Variants in SNX18 observed in about 807,000 individuals in gnomAD.
SNX18 encodes sorting nexin 18, also known as sorting nexin-18.
SNX18 carries 35 observed loss-of-function variants against 48.7 expected under a neutral mutation model. The ratio of observed to expected loss-of-function variants is 0.72; its 90% CI spans 0.55 to 0.95. The LOEUF (loss-of-function observed/expected upper bound fraction) is 0.95, where lower values mean the gene tolerates loss of function less well. SNX18 is among the 40% of genes least tolerant of loss of function. The pLI is 0.00. For synonymous variants in SNX18, 492 were observed against 384.7 expected (o/e 1.28, Z -3.26); for missense variants, 824 against 871.0 (o/e 0.95, Z 0.68).
the SNX18 span, among the ~76,000 whole-genome samples, chr5:54,603,443 T>C: frequency 6.6e-6 from 1 of 152,112 alleles, no homozygotes. Context: ...TCTGATCTTT[T>C]AAGAAGGCTT....
the SNX18 span, among the ~76,000 whole-genome samples, chr5:54,578,340 A>G: frequency 6.6e-6 from 1 of 152,216 alleles, no homozygotes. Flanking sequence ...GACAGGAGAT[A>G]GAATCTGAAT....
At chr5:54,642,601 T>C in the SNX18 span, among the ~76,000 whole-genome samples, 1 of 152,198 alleles carries the variant, frequency 6.6e-6, no homozygotes, top group African/African-American at 2.4e-5. Context: ...ACCTATTTCT[T>C]AGTTGAAAAG....
Position 54,518,200 on chromosome 5 carries a change from C to T in SNX18, c.248C>T (p.Pro83Leu). ...CCGGCCCGCTACGCCAATGTGCCCC[C>T]CGGGGGCTTCGAGCCCCTGCCTGTC... ...GAPARYANVP[P>L]GGFEPLPVAP... The change falls in exon 1 of 2, where the codon CCC (proline) becomes CTC (leucine). Residue 83 changes from proline to leucine, a missense_variant. Coordinates refer to ENST00000381410, the MANE Select transcript of SNX18 (RefSeq NM_001102575.2). The T allele has an allele frequency of 1.4e-6, 2 of 1,397,558 alleles. No homozygotes were observed. The highest frequency in any genetic ancestry group is 1.8e-6 in the Non-Finnish European group (2 of 1,085,762). The allele number at this position is 1,397,558 out of a possible 1,614,324, so 86.6% of individuals were successfully genotyped here. A position where few individuals can be genotyped will look rare whatever the true frequency, so the allele number is the denominator to read the frequency against.
the SNX18 span, among the ~76,000 whole-genome samples, chr5:54,610,069 G>C: frequency 6.6e-6 from 1 of 152,102 alleles, no homozygotes; most frequent in Admixed American, 6.5e-5. Context: ...GCTTCATGAG[G>C]CTTCCCAGAA....
chr5:54,518,972 CA>C lies in SNX18; in HGVS notation c.1021del (p.Thr341ProfsTer16). On this transcript the variant is annotated frameshift_variant, in exon 1 of 2. Transcript: ENST00000381410. LOFTEE classifies it high-confidence loss of function. ...SVPHLPEKQA[T>X]GRFEEDFISK... ...TGCCCCACCTGCCCGAGAAGCAGGC[CA>C]CCGGCCGCTTCGAGGAGGACTTCAT... The C allele has an allele frequency of 6.2e-7, 1 of 1,613,662 alleles. No individual in the cohort carries two copies.
intron 1 of SNX18, among the ~76,000 whole-genome samples, chr5:54,523,026 A>C (rs2059212): frequency 0.52 from 79,301 of 151,916 alleles, 20,927 homozygotes; most frequent in Non-Finnish European, 0.55. Flanking sequence ...GGGAATTCAG[A>C]ATCTATTGGA....
chr5:54,529,569 T>C (rs1762214663), intron 1 of SNX18, among the ~76,000 whole-genome samples: 1 of 152,226 alleles, frequency 6.6e-6, no homozygotes, highest in Non-Finnish European at 1.5e-5. Context: ...TGGGTGTGGC[T>C]ACTCTTTATT....
At position 54,518,076 on chromosome 5, in the gene SNX18, G is replaced by C. The variant is rs761731382; in HGVS notation, c.124G>C (p.Val42Leu). Reference protein sequence around the residue: ...EQDIEGWLEGVNSRGDRGLFP... With the variant: ...EQDIEGWLEGLNSRGDRGLFP... The stretch of plus-strand genomic sequence containing the variant: ...GGACATCGAGGGCTGGCTCGAGGGG[G>C]TCAACAGCCGCGGCGACCGCGGCCT... Residue 42 changes from valine to leucine, a missense_variant, in exon 1 of 2, where the codon GTC (valine) becomes CTC (leucine). Around this residue, in one of 3 missense-constraint regions of SNX18, gnomAD observed 377 missense variants for 350.6 expected, o/e 1.08. Coordinates refer to ENST00000381410, the MANE Select transcript of SNX18 (RefSeq NM_001102575.2). 4 of 1,539,658 alleles carry C rather than the reference G, an allele frequency of 2.6e-6. No individual in the cohort carries two copies. Among genetic ancestry groups the C allele is most frequent in the Non-Finnish European group, 2.6e-6 (3 of 1,149,022 alleles).
intron 1 of SNX18, among the ~76,000 whole-genome samples, chr5:54,526,167 C>G (rs113129805): frequency 9.2e-4 from 140 of 152,264 alleles, no homozygotes; most frequent in Non-Finnish European, 1.5e-3. Context: ...TGCAGTGATG[C>G]GATCTCGGCT....
At chr5:54,539,471 C>T (rs1453060402) in intron 1 of SNX18, among the ~76,000 whole-genome samples, 1 of 152,210 alleles carries the variant, frequency 6.6e-6, no homozygotes, top group East Asian at 1.9e-4. Context: ...ACCCTGCCAC[C>T]ATCCATAGTG....
chr5:54,521,882 T>A (rs1034540398), intron 1 of SNX18, among the ~76,000 whole-genome samples: 2 of 152,150 alleles, frequency 1.3e-5, no homozygotes, highest in Admixed American at 1.3e-4. Flanking sequence ...TTATCTTTTT[T>A]AAATTATAGA....
rs760304544 is a variant in SNX18, at chr5:54,519,288, A to G, written c.1336A>G (p.Asn446Asp). The G allele has an allele frequency of 1.2e-6, 2 of 1,614,110 alleles. No individual in the cohort carries two copies. The highest frequency in any genetic ancestry group is 3.3e-5 in the Admixed American group (2 of 60,018). The change falls in exon 1 of 2, where the codon AAC becomes GAC. Residue 446 changes from asparagine to aspartate, a missense_variant. Physicochemically the swap from Asn to Asp is conservative, Grantham distance 23 (BLOSUM62 1). This residue lies in a region of SNX18 where 443 missense variants were observed against 503.6 expected (regional missense o/e 0.88). Coordinates refer to ENST00000381410, the MANE Select transcript of SNX18 (RefSeq NM_001102575.2). ...KKMDDSALQLNHTANEFARKQ... is the reference protein window; with the variant it reads ...KKMDDSALQLDHTANEFARKQ... ...GATGGACGACAGCGCGCTGCAGCTCAACCACACGGCCAACGAGTTCGCGCG... is the reference window on the plus strand; with the variant it reads ...GATGGACGACAGCGCGCTGCAGCTCGACCACACGGCCAACGAGTTCGCGCG...
chr5:54,619,372 A>G, the SNX18 span, among the ~76,000 whole-genome samples: 11 of 152,126 alleles, frequency 7.2e-5, no homozygotes, highest in Admixed American at 7.2e-4. Context: ...TTAGCCGAGC[A>G]TGATGATGCA....
chr5:54,551,828 G>A, the SNX18 span, among the ~76,000 whole-genome samples: 1 of 152,162 alleles, frequency 6.6e-6, no homozygotes, highest in African/African-American at 2.4e-5. Flanking sequence ...GGTCCCTGGA[G>A]CACACCGGGC....
At position 54,519,256 on chromosome 5, in the gene SNX18, C is replaced by T. The variant is rs1761957495; in HGVS notation, c.1304C>T (p.Thr435Ile). The change falls in exon 1 of 2, where the codon ACC becomes ATC. Residue 435 changes from threonine (T) to isoleucine (I), a missense_variant. Coordinates refer to ENST00000381410, the MANE Select transcript of SNX18 (RefSeq NM_001102575.2). The stretch of plus-strand genomic sequence containing the variant: ...AAGATCGACGGCTTCAAGTGCTTCA[C>T]CAAGAAGATGGACGACAGCGCGCTG... ...ESKIDGFKCF[T>I]KKMDDSALQL... The T allele has an allele frequency of 6.2e-7, 1 of 1,614,112 alleles. No individual in the cohort carries two copies. The highest frequency in any genetic ancestry group is 2.2e-5 in the East Asian group (1 of 44,860).
the SNX18 span, among the ~76,000 whole-genome samples, chr5:54,624,474 G>A: frequency 8.5e-5 from 13 of 152,318 alleles, no homozygotes; most frequent in Middle Eastern, 3.4e-3. Flanking sequence ...AGATACAGAA[G>A]TGAGCAAAAG....
chr5:54,626,451 C>T, the SNX18 span, among the ~76,000 whole-genome samples: 3 of 152,328 alleles, frequency 2.0e-5, no homozygotes, highest in African/African-American at 7.2e-5. Context: ...CCACTGCACA[C>T]AGCAAAGAGA....
the SNX18 span, among the ~76,000 whole-genome samples, chr5:54,569,210 T>C: frequency 6.6e-6 from 1 of 152,176 alleles, no homozygotes; most frequent in African/African-American, 2.4e-5. Context: ...ATGAGCTTAT[T>C]GTAAAGAATT....
At chr5:54,642,666 C>T in the SNX18 span, among the ~76,000 whole-genome samples, 1 of 152,160 alleles carries the variant, frequency 6.6e-6, no homozygotes, top group African/African-American at 2.4e-5. Context: ...AACTTATAAA[C>T]AAAAGTTAGT....
Sources: allele counts gnomAD v4.1 joint callset (sites outside exome capture counted in the v4.1 genomes callset), GRCh38; gene constraint gnomAD v4.1.1; regional missense constraint gnomAD v4.1.1; transcripts MANE v1.5; gene names NCBI Gene and HGNC (gene_info 2026-07-23, HGNC 2026-07-21).